The following XKR4 variants were observed in gnomAD, a reference collection of about 807,000 sequenced individuals.
XKR4 encodes the protein XK related 4, also known as XK-related protein 4.
In XKR4, 12 loss-of-function variants were observed where a neutral mutation model predicts 53.9. The ratio of observed to expected loss-of-function variants is 0.22; its 90% confidence interval spans 0.14 to 0.36. XKR4 has a LOEUF of 0.36. Among genes scored for constraint, XKR4 ranks in the 10% least tolerant of loss-of-function variants. The probability of loss-of-function intolerance (pLI) is 1.00; values close to 1 mark genes in which losing one functional copy is unlikely to be tolerated. For missense variants in XKR4, 799 were observed against 859.5 expected (o/e 0.93, Z 0.88); for synonymous variants, 354 against 362.4 (o/e 0.98, Z 0.26).
At chr8:55,372,242 G>A (rs1381450798) in intron 2 of XKR4, among the ~76,000 whole-genome samples, 1 of 152,122 alleles carries the variant, frequency 6.6e-6, no homozygotes, top group Non-Finnish European at 1.5e-5. Context: ...CCTTTCCTGT[G>A]GTGTCTTCAT....
At chr8:55,183,972 A>G (rs1817345178) in intron 1 of XKR4, among the ~76,000 whole-genome samples, 1 of 152,168 alleles carries the variant, frequency 6.6e-6, no homozygotes, top group African/African-American at 2.4e-5. Flanking sequence ...CAGCTCCATC[A>G]AGGATGCTTT....
At chr8:55,250,620 T>C (rs1180470570) in intron 1 of XKR4, among the ~76,000 whole-genome samples, 1 of 152,166 alleles carries the variant, frequency 6.6e-6, no homozygotes, top group Non-Finnish European at 1.5e-5. Context: ...GGCTGTGAAC[T>C]CTCCTGAATT....
At chr8:55,172,588 G>C (rs570461997) in intron 1 of XKR4, among the ~76,000 whole-genome samples, 1 of 152,198 alleles carries the variant, frequency 6.6e-6, no homozygotes, top group South Asian at 2.1e-4. Flanking sequence ...TTTAGAAAAA[G>C]AAGCAAACTT....
chr8:55,436,201 A>T (rs1318059337), intron 2 of XKR4, among the ~76,000 whole-genome samples: 1 of 152,184 alleles, frequency 6.6e-6, no homozygotes, highest in East Asian at 1.9e-4. Flanking sequence ...AGACTAATTA[A>T]CAGGTTCTCG....
intron 2 of XKR4, among the ~76,000 whole-genome samples, chr8:55,385,481 T>A (rs1362989872): frequency 1.3e-5 from 2 of 152,238 alleles, no homozygotes; most frequent in Non-Finnish European, 2.9e-5. Flanking sequence ...CTTCTGAAAG[T>A]CAAGCATCAT....
chr8:55,389,046 A>T (rs56715401), intron 2 of XKR4, among the ~76,000 whole-genome samples: 4,966 of 152,308 alleles, frequency 0.033, 238 homozygotes, highest in African/African-American at 0.11. Context: ...TCTTTTAAAA[A>T]GGGGCAATTT....
intron 2 of XKR4, chr8:55,517,517 T>C (rs901547783): frequency 6.6e-6 from 1 of 152,194 alleles, no homozygotes; most frequent in Non-Finnish European, 1.5e-5. Flanking sequence ...CCCAAAGGAA[T>C]GAATGATGCT....
At chr8:55,261,630 A>T (rs1818527466) in intron 1 of XKR4, among the ~76,000 whole-genome samples, 1 of 152,200 alleles carries the variant, frequency 6.6e-6, no homozygotes, top group Non-Finnish European at 1.5e-5. Context: ...CTCTAGGCTC[A>T]TGCAAAACAT....
chr8:55,129,573 G>A (rs915008130), intron 1 of XKR4, among the ~76,000 whole-genome samples: 2 of 152,138 alleles, frequency 1.3e-5, no homozygotes, highest in African/African-American at 4.8e-5. Context: ...GAAGTGTGGT[G>A]GCAGAGGCCA....
At chr8:55,406,749 C>T (rs1585558842) in intron 2 of XKR4, among the ~76,000 whole-genome samples, 1 of 152,132 alleles carries the variant, frequency 6.6e-6, no homozygotes, top group East Asian at 1.9e-4. Flanking sequence ...ATGTCTTTGG[C>T]CTTTTGGCCA....
intron 1 of XKR4, among the ~76,000 whole-genome samples, chr8:55,331,369 A>G (rs183728784): frequency 1.1e-4 from 16 of 152,330 alleles, no homozygotes; most frequent in Admixed American, 3.9e-4. Context: ...TTTGTGTCCT[A>G]ACATATGGTC....
intron 1 of XKR4, among the ~76,000 whole-genome samples, chr8:55,226,175 A>G (rs955609217): frequency 2.0e-5 from 3 of 152,252 alleles, no homozygotes; most frequent in Non-Finnish European, 4.4e-5. Flanking sequence ...CTTTAAATAC[A>G]AAGATTAACA....
At chr8:55,355,321 T>G (rs1803782448) in intron 1 of XKR4, among the ~76,000 whole-genome samples, 2 of 150,934 alleles carry the variant, frequency 1.3e-5, no homozygotes, top group South Asian at 4.2e-4. Context: ...GGAGGAAAAA[T>G]CAAGAAGAAA....
In XKR4 at chr8:55,451,510, T is replaced by C. The variant is rs574823592; in HGVS notation, c.1007-71771T>C. 2.6e-4 allele frequency: 271 copies of C among 1,061,772 alleles called. 1 individual carries two copies. The highest frequency in any genetic ancestry group is 3.2e-4 in the Non-Finnish European group (228 of 712,668). The allele number at this position is 1,061,772 out of a possible 1,614,324, so 65.8% of individuals were successfully genotyped here. On this transcript the variant is annotated intron_variant, in intron 2 of 2. Coordinates refer to ENST00000327381, the MANE Select transcript of XKR4 (RefSeq NM_052898.2). ...GAACTGGCCTGGAGAAGGTGCGTTC[T>C]GGGCCTTAAAGAGTCCGACTACACC... is the stretch of plus-strand genomic sequence containing the variant.
intron 1 of XKR4, among the ~76,000 whole-genome samples, chr8:55,328,527 A>G (rs1040520631): frequency 1.3e-5 from 2 of 151,966 alleles, no homozygotes; most frequent in East Asian, 1.9e-4. Context: ...ATTCCTTTCA[A>G]CCTCACTACC....
intron 2 of XKR4, among the ~76,000 whole-genome samples, chr8:55,471,739 C>T (rs1487387200): frequency 6.6e-6 from 1 of 152,094 alleles, no homozygotes; most frequent in African/African-American, 2.4e-5. Context: ...ACACCATCCC[C>T]TTGGTGATGA....
At chr8:55,378,811 G>T (rs773303690) in intron 2 of XKR4, among the ~76,000 whole-genome samples, 25 of 152,288 alleles carry the variant, frequency 1.6e-4, no homozygotes, top group Non-Finnish European at 2.9e-5. Context: ...CAGAGACTCA[G>T]TTTTCTCATC....
intron 1 of XKR4, among the ~76,000 whole-genome samples, chr8:55,132,775 G>A (rs1029968988): frequency 2.0e-5 from 3 of 152,132 alleles, no homozygotes; most frequent in Admixed American, 2.0e-4. Context: ...AAGGAGGAGT[G>A]GTGCATCCAG....
At chr8:55,306,596 T>C (rs1452768425) in intron 1 of XKR4, among the ~76,000 whole-genome samples, 2 of 152,160 alleles carry the variant, frequency 1.3e-5, no homozygotes, top group African/African-American at 4.8e-5. Flanking sequence ...CTCCCACTTA[T>C]AGTAGCCATC....
Sources: gnomAD v4.1 joint callset for allele counts (sites outside exome capture counted in the v4.1 genomes callset) on GRCh38, gnomAD v4.1.1 for gene constraint, MANE v1.5 for transcripts, NCBI Gene and HGNC (gene_info 2026-07-23, HGNC 2026-07-21) for gene names.